ATRNL1: variants seen among roughly 807,000 people sequenced by gnomAD.
ATRNL1 encodes the protein attractin-like protein 1.
ATRNL1 carries 95 observed loss-of-function variants against 182.7 expected under a neutral mutation model. The observed-to-expected ratio is 0.52, with a 90% CI of 0.44 to 0.62. The LOEUF is 0.62. Ranked by LOEUF, ATRNL1 falls within the 20% of genes least tolerant of loss-of-function variation. The probability of loss-of-function intolerance (pLI) is 0.00; values close to 1 mark genes in which losing one functional copy is unlikely to be tolerated. For synonymous variants in ATRNL1, 576 were observed against 568.3 expected, an observed-to-expected ratio of 1.01 and a Z score of -0.19; for missense variants, 1,471 against 1,679.5, an observed-to-expected ratio of 0.88 and a Z score of 2.17.
At chr10:115,159,620 A>G (rs1592188403) in intron 5 of ATRNL1, among the ~76,000 whole-genome samples, 1 of 151,726 alleles carries the variant, frequency 6.6e-6, no homozygotes, top group South Asian at 2.1e-4. Flanking sequence ...AAAAATAAAT[A>G]TTTATTATAA....
At chr10:115,877,309 G>A (rs1555107488) in intron 28 of ATRNL1, among the ~76,000 whole-genome samples, 1 of 152,148 alleles carries the variant, frequency 6.6e-6, no homozygotes, top group Non-Finnish European at 1.5e-5. Flanking sequence ...CTATACACAT[G>A]GCTAGAAACA....
chr10:115,938,155 A>G (rs142858566), intron 28 of ATRNL1, among the ~76,000 whole-genome samples: 244 of 152,340 alleles, frequency 1.6e-3, no homozygotes, highest in African/African-American at 5.7e-3. Context: ...TTTGATGTGC[A>G]GTATTTTATT....
At chr10:115,427,174 G>A (rs1362259784) in intron 21 of ATRNL1, among the ~76,000 whole-genome samples, 1 of 152,184 alleles carries the variant, frequency 6.6e-6, no homozygotes, top group African/African-American at 2.4e-5. Flanking sequence ...TCTAATAGGT[G>A]TGTAATGGTA....
At chr10:115,861,916 C>A (rs1234379782) in intron 28 of ATRNL1, among the ~76,000 whole-genome samples, 2 of 151,784 alleles carry the variant, frequency 1.3e-5, no homozygotes, top group Non-Finnish European at 2.9e-5. Context: ...CAAACCCAGG[C>A]AACATAGTGA....
chr10:115,566,349 A>C (rs532058477), intron 26 of ATRNL1, among the ~76,000 whole-genome samples: 1 of 152,170 alleles, frequency 6.6e-6, no homozygotes, highest in African/African-American at 2.4e-5. Context: ...ACAATTTATT[A>C]TTACTTTCAG....
At chr10:115,384,339 T>G (rs968453516) in intron 19 of ATRNL1, among the ~76,000 whole-genome samples, 2 of 152,028 alleles carry the variant, frequency 1.3e-5, no homozygotes, top group Non-Finnish European at 2.9e-5. Flanking sequence ...ACATTTTTTT[T>G]CACCCCAAAA....
chr10:115,748,422 C>T (rs970628861), intron 27 of ATRNL1, among the ~76,000 whole-genome samples: 1 of 149,776 alleles, frequency 6.7e-6, no homozygotes, highest in Admixed American at 6.7e-5. Flanking sequence ...TGGATTTTTC[C>T]ATTACACATG....
chr10:115,338,850 T>G (rs1268482223), intron 19 of ATRNL1, among the ~76,000 whole-genome samples: 2 of 152,196 alleles, frequency 1.3e-5, no homozygotes, highest in Non-Finnish European at 2.9e-5. Context: ...TCTGGTAGTT[T>G]CATAGTTTGA....
At chr10:115,170,721 T>C (rs528224160) in intron 7 of ATRNL1, among the ~76,000 whole-genome samples, 1 of 152,216 alleles carries the variant, frequency 6.6e-6, no homozygotes, top group African/African-American at 2.4e-5. Context: ...CATTTTCCAT[T>C]CTTAAAGCAG....
chr10:115,823,256 T>C (rs1435965227), intron 27 of ATRNL1, among the ~76,000 whole-genome samples: 3 of 152,118 alleles, frequency 2.0e-5, no homozygotes, highest in African/African-American at 7.2e-5. Flanking sequence ...CTCAATAAAC[T>C]AGGTATTGAT....
intron 21 of ATRNL1, among the ~76,000 whole-genome samples, chr10:115,451,225 C>A (rs533701213): frequency 3.3e-5 from 5 of 152,210 alleles, no homozygotes; most frequent in South Asian, 4.1e-4. Context: ...GATTTCATGA[C>A]AAAGACACCA....
chr10:115,199,695 T>A (rs1279686653), intron 8 of ATRNL1, among the ~76,000 whole-genome samples: 1 of 152,160 alleles, frequency 6.6e-6, no homozygotes. Context: ...TGTGGAGACT[T>A]CTTAGCAAGC....
chr10:115,210,690 A>T (rs1848987239), intron 8 of ATRNL1, among the ~76,000 whole-genome samples: 1 of 151,586 alleles, frequency 6.6e-6, no homozygotes, highest in Admixed American at 6.6e-5. Context: ...TATGTGAATA[A>T]TTTTTAGGAT....
chr10:115,292,267 G>T (rs1158235259), intron 15 of ATRNL1, among the ~76,000 whole-genome samples: 1 of 151,716 alleles, frequency 6.6e-6, no homozygotes, highest in Admixed American at 6.6e-5. Flanking sequence ...CTAGCAAATG[G>T]TTTATCAGTT....
intron 19 of ATRNL1, among the ~76,000 whole-genome samples, chr10:115,362,409 T>C (rs1416713845): frequency 1.3e-5 from 2 of 152,082 alleles, no homozygotes; most frequent in African/African-American, 4.8e-5. Context: ...TGAGGATATA[T>C]TGTGGAATGC....
chr10:115,675,410 G>A (rs1555042663), intron 26 of ATRNL1, among the ~76,000 whole-genome samples: 1 of 151,892 alleles, frequency 6.6e-6, no homozygotes, highest in African/African-American at 2.4e-5. Context: ...AACAAGAAGT[G>A]GAAGAGAAAG....
chr10:115,752,740 A>C (rs139847442), intron 27 of ATRNL1, among the ~76,000 whole-genome samples: 2,024 of 152,212 alleles, frequency 0.013, 25 homozygotes, highest in Non-Finnish European at 0.02. Flanking sequence ...CTCCATAAAT[A>C]GACAAGAAAA....
intron 8 of ATRNL1, among the ~76,000 whole-genome samples, chr10:115,190,040 C>T (rs1161394893): frequency 6.6e-6 from 1 of 152,050 alleles, no homozygotes; most frequent in African/African-American, 2.4e-5. Context: ...ACGGGTTTTT[C>T]GTTCAGGAGC....
At chr10:115,319,591 A>G (rs1378472595) in intron 18 of ATRNL1, among the ~76,000 whole-genome samples, 1 of 152,160 alleles carries the variant, frequency 6.6e-6, no homozygotes, top group East Asian at 1.9e-4. Flanking sequence ...ATATGTATTT[A>G]GAATAGTTAA....
Sources: gnomAD v4.1 joint callset for allele counts (sites outside exome capture counted in the v4.1 genomes callset) on GRCh38, gnomAD v4.1.1 for gene constraint, MANE v1.5 for transcripts, NCBI Gene and HGNC (gene_info 2026-07-23, HGNC 2026-07-21) for gene names.